The following CFAP47 variants were observed in gnomAD, a reference collection of about 807,000 sequenced individuals.
CFAP47 encodes cilia and flagella associated protein 47, also known as cilia- and flagella-associated protein 47.
In CFAP47, 29 loss-of-function variants were observed where a neutral mutation model predicts 148.1. The ratio of observed to expected loss-of-function variants is 0.20; its 90% CI spans 0.15 to 0.27. The LOEUF (loss-of-function observed/expected upper bound fraction) is 0.27, where lower values mean the gene tolerates loss of function less well. Ranked by LOEUF, CFAP47 falls within the 10% of genes least tolerant of loss-of-function variation. CFAP47 has a pLI of 1.00. For synonymous variants in CFAP47, 664 were observed against 577.3 expected, an observed-to-expected ratio of 1.15 and a Z score of -2.15; for missense variants, 1,872 against 1,697.5, an observed-to-expected ratio of 1.10 and a Z score of -1.81.
At chrX:36,066,456 T>A (rs945267601) in intron 27 of CFAP47, among the ~76,000 whole-genome samples, 1 of 111,732 alleles carries the variant, frequency 8.9e-6, no homozygotes, top group Non-Finnish European at 1.9e-5. Context: ...TTTTTCTTAC[T>A]ATTCAGAAGA....
intron 26 of CFAP47, among the ~76,000 whole-genome samples, chrX:36,060,178 A>G (rs1464127409): frequency 9.0e-6 from 1 of 111,715 alleles, no homozygotes; most frequent in Non-Finnish European, 1.9e-5. Flanking sequence ...GACTAAGACA[A>G]TGTCCATGTA....
intron 57 of CFAP47, among the ~76,000 whole-genome samples, chrX:36,341,327 G>A (rs1005311789): frequency 9.9e-5 from 11 of 111,120 alleles, no homozygotes; most frequent in South Asian, 7.5e-4. Flanking sequence ...GAGCCACCGC[G>A]CCTGGCCGGT....
intron 23 of CFAP47, among the ~76,000 whole-genome samples, chrX:36,031,830 G>GAGAA (rs1937282795): frequency 9.1e-6 from 1 of 109,752 alleles, no homozygotes; most frequent in Admixed American, 9.8e-5. Context: ...AAGGAAAACA[G>GAGAA]ACATGCATAA....
chrX:36,160,773 A>C lies in CFAP47; in HGVS notation c.6026+4A>C. 1 of 293,640 alleles carries C rather than the reference A, an allele frequency of 3.4e-6. No homozygotes were observed. The allele number at this position is 293,640 out of a possible 1,213,427, so 24.2% of individuals were successfully genotyped here. ...TCCATACGGCTGGGGACTTCAGGTA[A>C]GTTATTGTTTTGGTGTAAATTCATT... is the stretch of plus-strand genomic sequence containing the variant. On this transcript the variant is annotated splice_donor_region_variant and intron_variant, in intron 39 of 63. Coordinates refer to ENST00000378653, the MANE Select transcript of CFAP47 (RefSeq NM_001304548.2).
At chrX:36,152,588 T>C in intron 37 of CFAP47, among the ~76,000 whole-genome samples, 1 of 111,365 alleles carries the variant, frequency 9.0e-6, no homozygotes, top group Middle Eastern at 4.6e-3. Context: ...GCACCCACTG[T>C]GTGGCTGATA....
intron 62 of CFAP47, among the ~76,000 whole-genome samples, chrX:36,376,536 T>G (rs947859738): frequency 1.2e-4 from 14 of 112,105 alleles, no homozygotes; most frequent in African/African-American, 4.2e-4. Context: ...TGAGCATTTC[T>G]TCCCAATTAT....
At chrX:35,967,895 A>G (rs1015538650) in intron 10 of CFAP47, 63 bp downstream of exon 10, 2 of 615,599 alleles carry the variant, frequency 3.2e-6, no homozygotes, top group African/African-American at 2.3e-5. Flanking sequence ...GACATGCAGA[A>G]GTTTCATCAG....
chrX:35,935,627 G>A (rs1181360287), intron 2 of CFAP47, among the ~76,000 whole-genome samples: 1 of 105,913 alleles, frequency 9.4e-6, no homozygotes, highest in Non-Finnish European at 1.9e-5. Flanking sequence ...TAGGAGGGAT[G>A]ATAGGTGGAG....
chrX:36,016,701 CTTT>C (rs1281064323), intron 22 of CFAP47, among the ~76,000 whole-genome samples: 1 of 54,457 alleles, frequency 1.8e-5, no homozygotes, highest in Non-Finnish European at 3.6e-5. Context: ...TTATGCCAGT[CTTT>C]TTTTTTTTTT....
intron 45 of CFAP47, among the ~76,000 whole-genome samples, chrX:36,214,274 T>A (rs904442939): frequency 9.0e-6 from 1 of 111,169 alleles, no homozygotes; most frequent in African/African-American, 3.3e-5. Context: ...TAAAATATTT[T>A]AAAAAAGATA....
At chrX:36,366,679 A>T (rs1556020319) in intron 61 of CFAP47, among the ~76,000 whole-genome samples, 1 of 111,635 alleles carries the variant, frequency 9.0e-6, no homozygotes, top group African/African-American at 3.3e-5. Context: ...AAATTTGCAG[A>T]GTTCATTCTG....
At chrX:36,009,670 A>G (rs774359738) in intron 21 of CFAP47, among the ~76,000 whole-genome samples, 1 of 112,349 alleles carries the variant, frequency 8.9e-6, no homozygotes, top group African/African-American at 3.2e-5. Context: ...TGTACATAAG[A>G]TTCTATGACA....
rs147444189 is a variant in CFAP47 at position 35,975,846 on chromosome X, T to G, written c.2646T>G (p.Cys882Trp). 3.6e-5 allele frequency: 44 copies of G among 1,207,326 alleles called. No individual in the cohort carries two copies. The highest frequency in any genetic ancestry group is 4.8e-5 in the Non-Finnish European group (43 of 892,819). The change falls in exon 15 of 64, where the codon TGT (cysteine) becomes TGG (tryptophan). Residue 882 changes from cysteine (C) to tryptophan (W), a missense_variant. Transcript: ENST00000378653. Reference sequence around the variant, plus strand: ...GATTGTATAATCGTCAGAATTGTTGTGCTCAGTTTCAATGGCAACCCGTAA... The same window carrying G: ...GATTGTATAATCGTCAGAATTGTTGGGCTCAGTTTCAATGGCAACCCGTAA... ...TVRLYNRQNC[C>W]AQFQWQPVNT...
intron 1 of CFAP47, among the ~76,000 whole-genome samples, chrX:35,921,982 C>T (rs939482313): frequency 9.0e-5 from 10 of 111,568 alleles, no homozygotes; most frequent in Non-Finnish European, 1.9e-4. Context: ...TAAGAAGACA[C>T]ATACTTTATC....
At chrX:35,975,465 C>A in intron 14 of CFAP47, 102 bp downstream of exon 14, 3 of 640,467 alleles carry the variant, frequency 4.7e-6, no homozygotes, top group Non-Finnish European at 7.0e-6. Flanking sequence ...TATATTTGTT[C>A]TCCAAACATA....
intron 33 of CFAP47, among the ~76,000 whole-genome samples, chrX:36,114,084 TAGTTCAGAAAGCCAGTCTTCA>T (rs1428373646): frequency 4.5e-5 from 5 of 111,500 alleles, no homozygotes; most frequent in African/African-American, 1.3e-4. Context: ...CTGACTGTCT[TAGTTCAGAAAGCCAGTCTTCA>T]AGCTCTGAGA....
chrX:36,292,542 C>T (rs782493784), intron 51 of CFAP47, among the ~76,000 whole-genome samples: 15 of 111,688 alleles, frequency 1.3e-4, no homozygotes, highest in Admixed American at 2.9e-4. Context: ...GATTATCTTC[C>T]GTGAGATGGT....
intron 33 of CFAP47, among the ~76,000 whole-genome samples, chrX:36,123,311 G>A (rs1028530359): frequency 2.7e-5 from 3 of 111,853 alleles, no homozygotes; most frequent in Non-Finnish European, 5.6e-5. Flanking sequence ...TTTGCTCAAG[G>A]TCCTGGGTCT....
intron 62 of CFAP47, among the ~76,000 whole-genome samples, chrX:36,370,628 C>A (rs782637194): frequency 1.8e-5 from 2 of 110,202 alleles, no homozygotes; most frequent in Admixed American, 9.8e-5. Flanking sequence ...AAATAAGCTA[C>A]TGAATATTTC....
Sources: gnomAD v4.1 joint callset for allele counts (sites outside exome capture counted in the v4.1 genomes callset) on GRCh38, gnomAD v4.1.1 for gene constraint, MANE v1.5 for transcripts, NCBI Gene and HGNC (gene_info 2026-07-23, HGNC 2026-07-21) for gene names.